HTR7: variants seen among roughly 807,000 people sequenced by gnomAD.
HTR7 encodes the protein 5-HT-7.
In HTR7, 16 loss-of-function variants were observed where a neutral mutation model predicts 34.0. That is an observed-to-expected ratio of 0.47 (90% CI 0.32 to 0.71). The LOEUF is 0.71. HTR7 is among the 30% of genes least tolerant of loss of function. HTR7 has a pLI of 0.04. For missense variants in HTR7, 504 were observed against 625.5 expected, an observed-to-expected ratio of 0.81 and a Z score of 2.07; for synonymous variants, 265 against 260.2, an observed-to-expected ratio of 1.02 and a Z score of -0.18.
chr10:90,852,843 A>G (rs1028004001), intron 1 of HTR7, among the ~76,000 whole-genome samples: 3 of 152,218 alleles, frequency 2.0e-5, no homozygotes, highest in Non-Finnish European at 2.9e-5. Context: ...TCCCTTTGCA[A>G]GCAATAGAAA....
chr10:90,744,484 T>C (rs1448113136), intron 2 of HTR7, among the ~76,000 whole-genome samples: 7 of 150,840 alleles, frequency 4.6e-5, no homozygotes, highest in African/African-American at 1.7e-4. Flanking sequence ...ATTCCCCTAC[T>C]TGCAGATTCA....
intron 1 of HTR7, among the ~76,000 whole-genome samples, chr10:90,813,287 C>T (rs570518538): frequency 5.9e-5 from 9 of 152,150 alleles, no homozygotes; most frequent in South Asian, 2.1e-4. Context: ...TTTGGGAGGC[C>T]GAGGCGGGCC....
At chr10:90,818,494 C>T (rs1244139618) in intron 1 of HTR7, among the ~76,000 whole-genome samples, 1 of 151,968 alleles carries the variant, frequency 6.6e-6, no homozygotes, top group Non-Finnish European at 1.5e-5. Context: ...TGCAGTGAGC[C>T]GAGATCGCAC....
At chr10:90,783,122 T>A (rs1845332506) in intron 1 of HTR7, among the ~76,000 whole-genome samples, 1 of 152,230 alleles carries the variant, frequency 6.6e-6, no homozygotes, top group African/African-American at 2.4e-5. Flanking sequence ...AGCAGTGCTG[T>A]CAGTCCAGGA....
At chr10:90,808,629 G>A (rs1164035329) in intron 1 of HTR7, among the ~76,000 whole-genome samples, 1 of 151,998 alleles carries the variant, frequency 6.6e-6, no homozygotes, top group African/African-American at 2.4e-5. Context: ...CACTTTTCTG[G>A]AGGGTAAGAA....
intron 1 of HTR7, among the ~76,000 whole-genome samples, chr10:90,781,110 T>A (rs1005122534): frequency 6.6e-6 from 1 of 152,246 alleles, no homozygotes. Context: ...CCCCCATTTC[T>A]ACCCTAGATC....
Position 90,857,711 on chromosome 10 carries a change from G to A in HTR7, c.-40C>T. 3 of 1,441,796 alleles carry A rather than the reference G, an allele frequency of 2.1e-6. No individual in the cohort carries two copies. Among genetic ancestry groups the A allele is most frequent in the African/African-American group, 3.0e-5 (2 of 67,116 alleles). The allele number at this position is 1,441,796 out of a possible 1,614,324, so 89.3% of individuals were successfully genotyped here. On this transcript the variant is annotated 5_prime_UTR_variant, in exon 1 of 4. Transcript: ENST00000336152. The surrounding 1 kb of genome is among the most constrained non-coding windows in gnomAD (Gnocchi z 6.5). Reference sequence around the variant, plus strand: ...CCGCTGCCCATGGAGCCGGCGCCCCGGCCACGCGCCTCCGGCTGCCGGCCC... The same window carrying A: ...CCGCTGCCCATGGAGCCGGCGCCCCAGCCACGCGCCTCCGGCTGCCGGCCC...
intron 1 of HTR7, among the ~76,000 whole-genome samples, chr10:90,777,344 G>A (rs1028698691): frequency 6.6e-6 from 1 of 151,964 alleles, no homozygotes; most frequent in Non-Finnish European, 1.5e-5. Flanking sequence ...AGCTGGGTGT[G>A]GTGGTGGGCG....
chr10:90,815,541 G>A (rs938499377), intron 1 of HTR7, among the ~76,000 whole-genome samples: 7 of 152,128 alleles, frequency 4.6e-5, no homozygotes, highest in African/African-American at 1.4e-4. Context: ...GGACATGTGC[G>A]GGCAGGAGAA....
rs139365370 is a variant in HTR7 at position 90,748,961 on chromosome 10, C to A, written c.1173G>T (p.Leu391=). 6.2e-6 allele frequency: 10 copies of A among 1,614,002 alleles called. No individual in the cohort carries two copies. The highest frequency in any genetic ancestry group is 3.3e-5 in the Admixed American group (2 of 59,992). The change falls in exon 2 of 4, where the codon CTG becomes CTT. Residue 391 remains leucine (L), a synonymous_variant. Coordinates refer to ENST00000336152, the MANE Select transcript of HTR7 (RefSeq NM_019859.4). ...GGAGCAGGCTGCGATAGGTGGTCCT[C>A]AGGTCCCGGTTGAAGAAGGCATATA... ...PFIYAFFNRD[L]RTTYRSLLQC... is the part of the protein sequence containing the mutation.
At position 90,747,282 on chromosome 10, in the gene HTR7, G is replaced by C. The variant is rs534051779; in HGVS notation, c.1295+1557C>G. Among the ~76,000 whole-genome samples, 16 of 152,302 alleles carry C rather than the reference G, an allele frequency of 1.1e-4. No homozygotes were observed. The South Asian group carries it at 3.3e-3, about 32-fold the overall frequency. On this transcript the variant is annotated intron_variant, in intron 2 of 3. Coordinates refer to ENST00000336152, the MANE Select transcript of HTR7 (RefSeq NM_019859.4). Reference sequence around the variant, plus strand: ...AGCACTGTACTAGATTCTGCAGAAAGAAATCTGATTAAGACATTGTTCCTT... The same window carrying C: ...AGCACTGTACTAGATTCTGCAGAAACAAATCTGATTAAGACATTGTTCCTT...
rs35170324 is a variant in HTR7, at chr10:90,840,177, T to TCACACA, written c.539+16950_539+16955dup. Among the ~76,000 whole-genome samples the TCACACA allele has an allele frequency of 2.0e-3, 272 of 136,844 alleles. 2 individuals carry two copies. Among genetic ancestry groups the TCACACA allele is most frequent in the African/African-American group, 5.2e-3 (191 of 36,538 alleles). 89.8% of individuals were successfully genotyped at this position (136,844 alleles called of 152,430 possible). A position where few individuals can be genotyped will look rare whatever the true frequency, so the allele number is the denominator to read the frequency against. ...CTCCATCTGTTTCTCTCTCTCTCTC[T>TCACACA]CACACACACACACACACACACACAC... On this transcript the variant is annotated intron_variant, in intron 1 of 3. Coordinates refer to ENST00000336152, the MANE Select transcript of HTR7 (RefSeq NM_019859.4).
chr10:90,758,994 C>A (rs546908770), intron 1 of HTR7, among the ~76,000 whole-genome samples: 105 of 151,432 alleles, frequency 6.9e-4, no homozygotes, highest in African/African-American at 2.4e-3. Context: ...TGGAGACCAG[C>A]CTGACCAACA....
At chr10:90,761,633 C>T (rs143067904) in intron 1 of HTR7, among the ~76,000 whole-genome samples, 17 of 147,370 alleles carry the variant, frequency 1.2e-4, no homozygotes, top group Non-Finnish European at 2.1e-4. Context: ...TGTGTGTATG[C>T]GTGTGTGTGT....
chr10:90,800,143 T>C (rs1248179413), intron 1 of HTR7, among the ~76,000 whole-genome samples: 1 of 152,132 alleles, frequency 6.6e-6, no homozygotes, highest in Non-Finnish European at 1.5e-5. Context: ...AATGAAAACA[T>C]CTAACATGAC....
At chr10:90,832,499 C>G (rs1023122899) in intron 1 of HTR7, among the ~76,000 whole-genome samples, 1 of 152,150 alleles carries the variant, frequency 6.6e-6, no homozygotes, top group Non-Finnish European at 1.5e-5. Context: ...CACGCCCACC[C>G]GGAACTCCAG....
At chr10:90,850,563 C>G (rs544758842) in intron 1 of HTR7, among the ~76,000 whole-genome samples, 2 of 152,018 alleles carry the variant, frequency 1.3e-5, no homozygotes, top group Non-Finnish European at 2.9e-5. Flanking sequence ...CACAAAGAAA[C>G]CACAAGTGAC....
chr10:90,804,257 C>T lies in HTR7; in HGVS notation c.539+52876G>A, dbSNP rs537026157. On this transcript the variant is annotated intron_variant, in intron 1 of 3. Coordinates refer to ENST00000336152, the MANE Select transcript of HTR7 (RefSeq NM_019859.4). ...CCTCCATCACTCAACAAAACCTCCA[C>T]GTTCACCATCCTTCGAGTCTGTGTG... Among the ~76,000 whole-genome samples the T allele has an allele frequency of 2.1e-4, 32 of 152,266 alleles. No homozygotes were observed. In the South Asian group the frequency reaches 2.3e-3, roughly 11 times the overall value.
intron 1 of HTR7, among the ~76,000 whole-genome samples, chr10:90,815,113 A>G (rs1845878840): frequency 6.8e-6 from 1 of 146,844 alleles, no homozygotes. Flanking sequence ...TTTTTTTGAG[A>G]TGTAGTCTCA....
Sources: gnomAD v4.1 joint callset for allele counts (sites outside exome capture counted in the v4.1 genomes callset) on GRCh38, gnomAD v4.1.1 for gene constraint, Gnocchi (gnomAD v3.1) non-coding constraint, MANE v1.5 for transcripts, NCBI Gene and HGNC (gene_info 2026-07-23, HGNC 2026-07-21) for gene names.